The following GPAT4 variants were observed in gnomAD, a reference collection of about 807,000 sequenced individuals.
The protein encoded by GPAT4 is 1-AGP acyltransferase 6.
In GPAT4, 17 loss-of-function variants were observed where a neutral mutation model predicts 58.0. That is an observed-to-expected ratio of 0.29 (90% confidence interval 0.20 to 0.44). The LOEUF is 0.44. GPAT4 is among the 20% of genes least tolerant of loss of function. GPAT4 has a pLI of 1.00. For missense variants in GPAT4, 377 were observed against 574.5 expected (o/e 0.66, Z 3.51); for synonymous variants, 204 against 210.1 (o/e 0.97, Z 0.25).
intron 1 of GPAT4, among the ~76,000 whole-genome samples, chr8:41,596,918 A>C (rs1420550839): frequency 6.6e-6 from 1 of 152,164 alleles, no homozygotes. Flanking sequence ...TACAACTCCA[A>C]GGGGGTCCGC....
rs1394569089 is a variant in GPAT4, at chr8:41,618,817, G to A, written c.1182+5G>A. The stretch of plus-strand genomic sequence containing the variant: ...CTGCCTCCCATGACTAGAGAGGTGA[G>A]TGCCTGCCCCAGGCAGGTCTGCGCC... On this transcript the variant is annotated splice_donor_5th_base_variant and intron_variant, in intron 11 of 12. Coordinates refer to ENST00000396987, the MANE Select transcript of GPAT4 (RefSeq NM_178819.4). 6.2e-7 allele frequency: 1 copy of A among 1,614,258 alleles called. No individual in the cohort carries two copies. Among genetic ancestry groups the A allele is most frequent in the Non-Finnish European group, 8.5e-7 (1 of 1,180,048 alleles).
intron 10 of GPAT4, among the ~76,000 whole-genome samples, chr8:41,615,339 T>G (rs1365063904): frequency 6.6e-6 from 1 of 152,130 alleles, no homozygotes; most frequent in Non-Finnish European, 1.5e-5. Context: ...ATTACCTTGC[T>G]TCATAAACCT....
At chr8:41,618,492 CG>C (rs1213772620) in intron 10 of GPAT4, 191 bp from the exon 11 acceptor site, 1 of 687,198 alleles carries the variant, frequency 1.5e-6, no homozygotes, top group Admixed American at 2.6e-5. Flanking sequence ...CCGGGTTCCT[CG>C]GGGGAGATCA....
Position 41,624,654 on chromosome 8 carries a change from T to G in GPAT4, c.*3653T>G, listed in dbSNP as rs1311287220. The G allele has an allele frequency of 2.6e-5, 4 of 152,278 alleles. No individual in the cohort carries two copies. The highest frequency in any genetic ancestry group is 4.4e-5 in the Non-Finnish European group (3 of 68,086). 9.4% of individuals were successfully genotyped at this position (152,278 alleles called of 1,614,324 possible). A position where few individuals can be genotyped will look rare whatever the true frequency, so the allele number is the denominator to read the frequency against. On this transcript the variant is annotated 3_prime_UTR_variant, in exon 13 of 13. Transcript: ENST00000396987. ...GGATATGGCCACGCAGCCATCCATC[T>G]TCTACAGCACGCACACCCCACTCTC...
At chr8:41,587,110 A>G (rs1408333549) in intron 1 of GPAT4, among the ~76,000 whole-genome samples, 1 of 152,214 alleles carries the variant, frequency 6.6e-6, no homozygotes, top group African/African-American at 2.4e-5. Context: ...TGAGAGTCTC[A>G]GTTTTTACTA....
At chr8:41,617,072 AACG>A (rs1803615103) in intron 10 of GPAT4, among the ~76,000 whole-genome samples, 1 of 152,176 alleles carries the variant, frequency 6.6e-6, no homozygotes, top group South Asian at 2.1e-4. Flanking sequence ...TATAAAATAC[AACG>A]ACATGACCAG....
intron 4 of GPAT4, 155 bp from the exon 5 acceptor site, chr8:41,610,581 G>A: frequency 2.6e-6 from 4 of 1,525,292 alleles, no homozygotes; most frequent in South Asian, 1.2e-5. Flanking sequence ...GTTCTGATAG[G>A]CCTGCTTACA....
At chr8:41,594,836 T>G (rs939456413) in intron 1 of GPAT4, among the ~76,000 whole-genome samples, 6 of 152,092 alleles carry the variant, frequency 3.9e-5, no homozygotes, top group Non-Finnish European at 7.4e-5. Context: ...TAAGCCACCG[T>G]GCCCGGCCCA....
At chr8:41,618,047 C>T (rs549209562) in intron 10 of GPAT4, among the ~76,000 whole-genome samples, 6 of 152,342 alleles carry the variant, frequency 3.9e-5, no homozygotes, top group African/African-American at 1.4e-4. Context: ...ATACCTGCTT[C>T]ATGGTAGATG....
At position 41,599,240 on chromosome 8, in the gene GPAT4, C is replaced by A; in HGVS notation, c.101C>A (p.Ala34Asp). ...TLLLVFIIVP[A>D]IFGVSFGIRK... ...CTTCTCGTTTTCATCATAGTGCCAG[C>A]CATTTTTGGAGTCTCCTTTGGTATC... Residue 34 changes from alanine (A) to aspartate (D), a missense_variant, in exon 2 of 13, where the codon GCC (alanine) becomes GAC (aspartate). Physicochemically the swap from Ala to Asp is moderately radical, Grantham distance 126. Coordinates refer to ENST00000396987, the MANE Select transcript of GPAT4 (RefSeq NM_178819.4). 1 of 1,614,072 alleles carries A rather than the reference C, an allele frequency of 6.2e-7. No homozygotes were observed. The highest frequency in any genetic ancestry group is 1.3e-5 in the African/African-American group (1 of 75,034).
chr8:41,581,323 GCT>G (rs1373556527), intron 1 of GPAT4, among the ~76,000 whole-genome samples: 7 of 152,064 alleles, frequency 4.6e-5, no homozygotes, highest in Non-Finnish European at 5.9e-5. Flanking sequence ...CTCATCTAGG[GCT>G]CTCTTCATTT....
intron 8 of GPAT4, 67 bp downstream of exon 8, chr8:41,613,027 T>G: frequency 7.3e-7 from 1 of 1,374,342 alleles, no homozygotes; most frequent in African/African-American, 1.4e-5. Context: ...AGGGTAGTTA[T>G]CCCTCCACAG....
chr8:41,600,036 C>CTTTTTTTTTTT (rs758905649), intron 2 of GPAT4, among the ~76,000 whole-genome samples: 1,503 of 100,248 alleles, frequency 0.015, 46 homozygotes, highest in Non-Finnish European at 0.018. Flanking sequence ...TTTTTCTTTT[C>CTTTTTTTTTTT]TTTTTTTTTT....
At position 41,611,903 on chromosome 8, in the gene GPAT4, G is replaced by T. The variant is rs767946041; in HGVS notation, c.612G>T (p.Arg204Ser). ...TTVVGYLPNG[R>S]FKEFMSKHVH... is the part of the protein sequence containing the mutation. ...CAGAATCCTTGTCCTGTTATTGCAG[G>T]TTTAAGGAGTTCATGAGTAAACATG... Residue 204 changes from arginine to serine, a missense_variant and splice_region_variant, in exon 6 of 13, where the codon AGG becomes AGT. Coordinates refer to ENST00000396987, the MANE Select transcript of GPAT4 (RefSeq NM_178819.4). 6.2e-7 allele frequency: 1 copy of T among 1,614,020 alleles called. No individual in the cohort carries two copies. Among genetic ancestry groups the T allele is most frequent in the African/African-American group, 1.3e-5 (1 of 74,938 alleles).
At chr8:41,613,759 T>A (rs1288862346) in intron 8 of GPAT4, among the ~76,000 whole-genome samples, 1 of 151,668 alleles carries the variant, frequency 6.6e-6, no homozygotes, top group Non-Finnish European at 1.5e-5. Flanking sequence ...CTACAAAAAA[T>A]TTAAAAATTA....
chr8:41,611,332 T>C (rs576603873), intron 5 of GPAT4, among the ~76,000 whole-genome samples: 2 of 152,364 alleles, frequency 1.3e-5, no homozygotes, highest in South Asian at 4.1e-4. Flanking sequence ...CCTCACATTC[T>C]TCCCATTTTG....
intron 1 of GPAT4, among the ~76,000 whole-genome samples, chr8:41,584,601 A>G (rs1802604237): frequency 6.6e-6 from 1 of 152,200 alleles, no homozygotes. Context: ...GTTGCTTCTA[A>G]TTACATATGC....
At chr8:41,615,091 C>T (rs767257410) in intron 10 of GPAT4, 43 bp downstream of exon 10, 13 of 1,542,624 alleles carry the variant, frequency 8.4e-6, no homozygotes, top group Non-Finnish European at 1.1e-5. Context: ...ACTGGAGCTG[C>T]TGTGAGTGGG....
chr8:41,618,427 C>T, intron 10 of GPAT4: 1 of 533,792 alleles, frequency 1.9e-6, no homozygotes, highest in Non-Finnish European at 3.4e-6. Context: ...GGAGGGAAGA[C>T]ATTTGCTTGA....
Sources: allele counts gnomAD v4.1 joint callset (sites outside exome capture counted in the v4.1 genomes callset), GRCh38; gene constraint gnomAD v4.1.1; transcripts MANE v1.5; gene names NCBI Gene and HGNC (gene_info 2026-07-23, HGNC 2026-07-21).